RINT1: variants seen among roughly 807,000 people sequenced by gnomAD.
RINT1 encodes RAD50-interacting protein 1.
Under a neutral mutation model 97.7 loss-of-function variants are expected in RINT1, and 75 were observed. That is an observed-to-expected ratio of 0.77 (90% CI 0.64 to 0.93). The LOEUF (loss-of-function observed/expected upper bound fraction) is 0.93. Ranked by LOEUF, RINT1 falls within the 40% of genes least tolerant of loss-of-function variation. The probability of loss-of-function intolerance (pLI) is 0.00; values close to 1 mark genes in which losing one functional copy is unlikely to be tolerated. For synonymous variants in RINT1, 303 were observed against 326.3 expected (o/e 0.93, Z 0.77); for missense variants, 892 against 925.2 (o/e 0.96, Z 0.47).
intron 11 of RINT1, among the ~76,000 whole-genome samples, chr7:105,561,428 T>G (rs1791431316): frequency 6.6e-6 from 1 of 151,974 alleles, no homozygotes; most frequent in Non-Finnish European, 1.5e-5. Context: ...CTCGGGAGGC[T>G]GACACAGGAG....
chr7:105,543,999 C>G (rs1274511621), intron 4 of RINT1, among the ~76,000 whole-genome samples: 1 of 151,434 alleles, frequency 6.6e-6, no homozygotes, highest in African/African-American at 2.4e-5. Context: ...ACTTGGGAGG[C>G]TGAGGCAGGG....
intron 11 of RINT1, among the ~76,000 whole-genome samples, chr7:105,562,206 T>G (rs1368163182): frequency 1.3e-5 from 2 of 152,232 alleles, no homozygotes; most frequent in African/African-American, 4.8e-5. Context: ...AGTGGGAATG[T>G]AACATGGTAC....
intron 6 of RINT1, among the ~76,000 whole-genome samples, chr7:105,547,856 T>C (rs1246256293): frequency 1.3e-5 from 2 of 151,318 alleles, no homozygotes; most frequent in Non-Finnish European, 2.9e-5. Flanking sequence ...GCCTCCCGAG[T>C]AGCTGGGATT....
chr7:105,559,323 C>T (rs552636378), intron 11 of RINT1, among the ~76,000 whole-genome samples: 43 of 151,800 alleles, frequency 2.8e-4, no homozygotes, highest in Non-Finnish European at 3.5e-4. Flanking sequence ...GGCGGATCAC[C>T]TGAGGTCAGG....
chr7:105,555,548 AT>A (rs1215289593), intron 11 of RINT1, among the ~76,000 whole-genome samples: 1 of 152,218 alleles, frequency 6.6e-6, no homozygotes, highest in Admixed American at 6.5e-5. Context: ...TTAAATAATG[AT>A]GTCAAAAGCA....
At chr7:105,562,897 C>T (rs996987194) in intron 11 of RINT1, among the ~76,000 whole-genome samples, 2 of 151,700 alleles carry the variant, frequency 1.3e-5, no homozygotes, top group Admixed American at 6.6e-5. Flanking sequence ...AGCGAGATTC[C>T]GTCTCAAAAC....
chr7:105,535,612 G>T, intron 2 of RINT1: 1 of 454,244 alleles, frequency 2.2e-6, no homozygotes, highest in South Asian at 1.6e-5. Flanking sequence ...GAATGTAGTA[G>T]TGAGATCATG....
At chr7:105,552,951 C>T (rs1016613945) in intron 10 of RINT1, among the ~76,000 whole-genome samples, 3 of 151,870 alleles carry the variant, frequency 2.0e-5, no homozygotes, top group African/African-American at 7.3e-5. Context: ...GGATTACAGG[C>T]ATGAGCCACC....
At chr7:105,540,992 A>G (rs543852455) in intron 3 of RINT1, among the ~76,000 whole-genome samples, 1 of 151,552 alleles carries the variant, frequency 6.6e-6, no homozygotes, top group Non-Finnish European at 1.5e-5. Flanking sequence ...ATGTGCCACC[A>G]TGCTCAGCTA....
At position 105,532,853 on chromosome 7, in the gene RINT1, G is replaced by A. The variant is rs1380210737; in HGVS notation, c.72G>A (p.Lys24=). ...PCCSESGDER[K]NLEEKSDINV... is the part of the protein sequence containing the mutation. ...GCTCTGAAAGTGGTGACGAAAGGAA[G>A]AACCTCGAGGAGAAAAGTAAGCCAG... Residue 24 remains lysine, a synonymous_variant, in exon 2 of 15, where the codon AAG becomes AAA. Transcript: ENST00000257700. 1.9e-6 allele frequency: 3 copies of A among 1,614,048 alleles called. No homozygotes were observed. The highest frequency in any genetic ancestry group is 1.1e-5 in the South Asian group (1 of 91,092).
intron 11 of RINT1, among the ~76,000 whole-genome samples, chr7:105,559,644 C>T (rs768485190): frequency 9.9e-5 from 15 of 151,698 alleles, no homozygotes; most frequent in African/African-American, 2.7e-4. Context: ...TAGCTTGAAC[C>T]GGGAGGCAGA....
intron 4 of RINT1, among the ~76,000 whole-genome samples, chr7:105,545,907 A>C (rs1379070473): frequency 6.8e-6 from 1 of 147,860 alleles, no homozygotes; most frequent in Non-Finnish European, 1.5e-5. Context: ...GGGTTCAAGC[A>C]GTTCTCCTGC....
At chr7:105,565,739 G>T in intron 14 of RINT1, 91 bp downstream of exon 14, 1 of 829,128 alleles carries the variant, frequency 1.2e-6, no homozygotes. Flanking sequence ...AGATGTTTGG[G>T]TGGGATAAGA....
At chr7:105,554,985 A>C in intron 10 of RINT1, 43 bp from the exon 11 acceptor site, 1 of 1,483,472 alleles carries the variant, frequency 6.7e-7, no homozygotes, top group Non-Finnish European at 9.4e-7. Context: ...TATATCATAG[A>C]TGGTACCAAA....
rs762152449 is a variant in RINT1, at chr7:105,548,600, C to G, written c.886C>G (p.Leu296Val). ...EPKQLPEKYS[L>V]PASPSVILPI... ...AAAGCAACTCCCAGAAAAATACTCT[C>G]TTCCTGCCTCCCCTTCTGTCATCCT... The change falls in exon 7 of 15, where the codon CTT becomes GTT. Residue 296 changes from leucine (L) to valine (V), a missense_variant. Coordinates refer to ENST00000257700, the MANE Select transcript of RINT1 (RefSeq NM_021930.6). 6.2e-7 allele frequency: 1 copy of G among 1,614,158 alleles called. No homozygotes were observed. Among genetic ancestry groups the G allele is most frequent in the Admixed American group, 1.7e-5 (1 of 60,010 alleles).
intron 3 of RINT1, among the ~76,000 whole-genome samples, chr7:105,539,052 A>G (rs562791286): frequency 1.3e-5 from 2 of 152,328 alleles, no homozygotes; most frequent in East Asian, 3.9e-4. Context: ...TTTGTTATCT[A>G]TCTCTACTTT....
chr7:105,562,149 C>G (rs1338398750), intron 11 of RINT1, among the ~76,000 whole-genome samples: 1 of 152,126 alleles, frequency 6.6e-6, no homozygotes, highest in Admixed American at 6.6e-5. Flanking sequence ...TTCCGGTTAA[C>G]AATATATCTT....
At chr7:105,565,800 T>C (rs577044728) in intron 14 of RINT1, 152 bp downstream of exon 14, 12 of 580,442 alleles carry the variant, frequency 2.1e-5, no homozygotes, top group South Asian at 9.7e-5. Context: ...TACAGCACAA[T>C]GGGGAAACCA....
In RINT1 at chr7:105,532,223, C is replaced by T. The variant is rs892436795; in HGVS notation, c.-93C>T. 10 of 1,418,582 alleles carry T rather than the reference C, an allele frequency of 7.0e-6. No homozygotes were observed. The highest frequency in any genetic ancestry group is 4.2e-5 in the African/African-American group (3 of 70,724). 87.9% of individuals were successfully genotyped at this position (1,418,582 alleles called of 1,614,324 possible). A position where few individuals can be genotyped will look rare whatever the true frequency, so the allele number is the denominator to read the frequency against. ...GCTGTGGCACTCAGTCCTACGGCCTCCGAGGCTGGGTAGTGAGTGTGTCGC... is the reference window on the plus strand; with the variant it reads ...GCTGTGGCACTCAGTCCTACGGCCTTCGAGGCTGGGTAGTGAGTGTGTCGC... On this transcript the variant is annotated 5_prime_UTR_variant, in exon 1 of 15. Coordinates refer to ENST00000257700, the MANE Select transcript of RINT1 (RefSeq NM_021930.6).
Sources: gnomAD v4.1 joint callset for allele counts (sites outside exome capture counted in the v4.1 genomes callset) on GRCh38, gnomAD v4.1.1 for gene constraint, MANE v1.5 for transcripts, NCBI Gene and HGNC (gene_info 2026-07-23, HGNC 2026-07-21) for gene names.